KLHL13: variants seen among roughly 807,000 people sequenced by gnomAD.
KLHL13 encodes kelch-like protein 13.
Under a neutral mutation model 37.1 loss-of-function variants are expected in KLHL13, and 10 were observed. The observed-to-expected ratio is 0.27, with a 90% CI of 0.17 to 0.46. The LOEUF (loss-of-function observed/expected upper bound fraction) is 0.46. Among genes scored for constraint, KLHL13 ranks in the 20% least tolerant of loss-of-function variants. The pLI is 1.00. For synonymous variants in KLHL13, 163 were observed against 181.2 expected (o/e 0.90, Z 0.81); for missense variants, 360 against 509.3 (o/e 0.71, Z 2.82).
At chrX:118,091,275 T>C (rs974506484) in intron 1 of KLHL13, among the ~76,000 whole-genome samples, 4 of 110,973 alleles carry the variant, frequency 3.6e-5, no homozygotes, top group Non-Finnish European at 5.7e-5. Context: ...ACTTAAAGTA[T>C]AATAAAAAAA....
At chrX:118,047,870 C>A (rs1327756887) in intron 1 of KLHL13, among the ~76,000 whole-genome samples, 1 of 111,186 alleles carries the variant, frequency 9.0e-6, no homozygotes, top group Admixed American at 9.5e-5. Context: ...GCCGTGGGCT[C>A]GAAGGGAAAC....
intron 2 of KLHL13, among the ~76,000 whole-genome samples, chrX:117,934,972 G>T (rs1389674908): frequency 8.9e-6 from 1 of 111,815 alleles, no homozygotes; most frequent in African/African-American, 3.2e-5. Flanking sequence ...TAAAAAGACA[G>T]TTAATAAATG....
chrX:118,105,148 G>T (rs935713386), intron 1 of KLHL13, among the ~76,000 whole-genome samples: 15 of 112,327 alleles, frequency 1.3e-4, no homozygotes, highest in African/African-American at 4.8e-4. Flanking sequence ...TACGTTCCTT[G>T]CTTTTCAATA....
At position 118,081,940 on chromosome X, in the gene KLHL13, TTGTGTG is replaced by T. The variant is rs762989393; in HGVS notation, c.-56+34562_-56+34567del. 7.6e-3 allele frequency among the ~76,000 whole-genome samples: 745 copies of T among 97,671 alleles called. 8 individuals are homozygous for T. The highest frequency in any genetic ancestry group is 0.023 in the African/African-American group (625 of 26,784). 84.8% of individuals were successfully genotyped at this position (97,671 alleles called of 115,157 possible). A position where few individuals can be genotyped will look rare whatever the true frequency, so the allele number is the denominator to read the frequency against. Reference sequence around the variant, plus strand: ...CTTTTTAAGGCTGAATAGTATTCCATTGTGTGTGTGTGTGTGTGTGTGTGTGTGTGT... The same window carrying T: ...CTTTTTAAGGCTGAATAGTATTCCATTGTGTGTGTGTGTGTGTGTGTGTGT... On this transcript the variant is annotated intron_variant, in intron 1 of 6. Coordinates refer to the KLHL13 transcript ENST00000371882.
At chrX:118,100,629 TG>T (rs1453193765) in intron 1 of KLHL13, among the ~76,000 whole-genome samples, 1 of 111,331 alleles carries the variant, frequency 9.0e-6, no homozygotes, top group Non-Finnish European at 1.9e-5. Flanking sequence ...ATACAAAAAC[TG>T]TATTACTCGC....
chrX:118,072,788 T>C (rs1308076271), intron 1 of KLHL13, among the ~76,000 whole-genome samples: 1 of 111,881 alleles, frequency 8.9e-6, no homozygotes, highest in East Asian at 2.8e-4. Context: ...TTGAAGCCTA[T>C]ATCATGATGT....
chrX:118,021,966 T>C (rs2054220587), intron 1 of KLHL13, among the ~76,000 whole-genome samples: 1 of 112,128 alleles, frequency 8.9e-6, no homozygotes, highest in African/African-American at 3.2e-5. Flanking sequence ...TGGTTTTGAT[T>C]TGTATTTATC....
In KLHL13 at chrX:118,090,966, A is replaced by C. The variant is rs74340466; in HGVS notation, c.-56+25542T>G. Among the ~76,000 whole-genome samples, 429 of 107,789 alleles carry C rather than the reference A, an allele frequency of 4.0e-3. 7 individuals carry two copies. Among genetic ancestry groups the C allele is most frequent in the African/African-American group, 0.013 (391 of 29,674 alleles). The allele number at this position is 107,789 out of a possible 115,157, so 93.6% of individuals were successfully genotyped here. A position where few individuals can be genotyped will look rare whatever the true frequency, so the allele number is the denominator to read the frequency against. ...TGCAGTCATAAAAAATGATGAGTTC[A>C]TGTCCTTTGTAGGGACATGGATGAA... On this transcript the variant is annotated intron_variant, in intron 1 of 6. Coordinates refer to the KLHL13 transcript ENST00000371882.
intron 1 of KLHL13, among the ~76,000 whole-genome samples, chrX:118,110,377 C>CTTTTTTT (rs1054663520): frequency 6.8e-4 from 56 of 82,497 alleles, no homozygotes; most frequent in Admixed American, 9.8e-4. Context: ...ATTTCTTTTT[C>CTTTTTTT]TTTTTTTTTT....
At chrX:118,080,488 A>G (rs2054978993) in intron 1 of KLHL13, among the ~76,000 whole-genome samples, 1 of 111,828 alleles carries the variant, frequency 8.9e-6, no homozygotes, top group Non-Finnish European at 1.9e-5. Context: ...AAGATATACA[A>G]GCAGCCAACA....
chrX:117,953,793 CA>C (rs1321283136), intron 1 of KLHL13, among the ~76,000 whole-genome samples: 6 of 111,514 alleles, frequency 5.4e-5, no homozygotes, highest in South Asian at 3.8e-4. Context: ...CAGAGAGATA[CA>C]TTCTGTTATA....
chrX:118,008,068 T>C (rs1285472114), intron 1 of KLHL13, among the ~76,000 whole-genome samples: 1 of 111,702 alleles, frequency 9.0e-6, no homozygotes, highest in Non-Finnish European at 1.9e-5. Context: ...TATATATTTT[T>C]AGAAGCATCC....
intron 2 of KLHL13, among the ~76,000 whole-genome samples, chrX:117,924,419 C>T (rs1255779447): frequency 8.9e-6 from 1 of 112,067 alleles, no homozygotes; most frequent in Non-Finnish European, 1.9e-5. Flanking sequence ...ACTCATAAAT[C>T]TTTTCCCCTA....
At chrX:118,030,019 G>C (rs1197788445) in intron 1 of KLHL13, among the ~76,000 whole-genome samples, 1 of 110,165 alleles carries the variant, frequency 9.1e-6, no homozygotes, top group East Asian at 2.8e-4. Context: ...GTTATGTGAA[G>C]ATCTAAAATA....
At chrX:118,070,495 G>C (rs1256274295) in intron 1 of KLHL13, among the ~76,000 whole-genome samples, 1 of 111,711 alleles carries the variant, frequency 9.0e-6, no homozygotes, top group African/African-American at 3.2e-5. Flanking sequence ...GTTGAGACTT[G>C]TTTGATGGCC....
intron 6 of KLHL13, among the ~76,000 whole-genome samples, chrX:117,900,989 T>A (rs1241926568): frequency 1.8e-5 from 2 of 111,750 alleles, no homozygotes; most frequent in Non-Finnish European, 3.8e-5. Context: ...TGGGACACTG[T>A]GAACAAACTA....
At chrX:118,117,059 G>A (rs1046791400), upstream of KLHL13, among the ~76,000 whole-genome samples, 4 of 113,045 alleles carry the variant, frequency 3.5e-5, no homozygotes, top group African/African-American at 1.3e-4. Context: ...CTCACGCCTC[G>A]GAAACCGGGA....
At chrX:117,945,548 G>T in exon 2 of KLHL13, 1 of 1,207,042 alleles carries the variant, frequency 8.3e-7, no homozygotes, top group Non-Finnish European at 1.1e-6. Flanking sequence ...ACAATTTCAT[G>T]TGTTGGTCTT....
chrX:118,110,513 G>A (rs2055399169), intron 1 of KLHL13, among the ~76,000 whole-genome samples: 1 of 108,555 alleles, frequency 9.2e-6, no homozygotes. Context: ...CAAGTAGCTG[G>A]GATTACAGGC....
Sources: gnomAD v4.1 joint callset for allele counts (sites outside exome capture counted in the v4.1 genomes callset) on GRCh38, gnomAD v4.1.1 for gene constraint, MANE v1.5 for transcripts, NCBI Gene and HGNC (gene_info 2026-07-23, HGNC 2026-07-21) for gene names.